Variants in TMEM215 observed in about 807,000 individuals in gnomAD.
TMEM215 encodes transmembrane protein 215.
TMEM215 carries 12 observed loss-of-function variants against 14.7 expected under a neutral mutation model. That is an observed-to-expected ratio of 0.82 (90% CI 0.52 to 1.33). The LOEUF (loss-of-function observed/expected upper bound fraction) is 1.33, where lower values mean the gene tolerates loss of function less well. Among genes scored for constraint, TMEM215 ranks in the 40% most tolerant of loss-of-function variants. TMEM215 has a pLI of 0.00. For synonymous variants in TMEM215, 122 were observed against 124.8 expected (o/e 0.98, Z 0.15); for missense variants, 276 against 296.2 (o/e 0.93, Z 0.50).
In TMEM215 at chr9:32,783,790, G is replaced by T; in HGVS notation, c.-74G>T. 5.7e-6 allele frequency: 1 copy of T among 176,596 alleles called. No individual in the cohort carries two copies. The highest frequency in any genetic ancestry group is 1.2e-5 in the Non-Finnish European group (1 of 84,144). 10.9% of individuals were successfully genotyped at this position (176,596 alleles called of 1,614,324 possible). On this transcript the variant is annotated 5_prime_UTR_variant, in exon 1 of 2. The change creates a new upstream start codon in the 5' untranslated region. Coordinates refer to ENST00000342743, the MANE Select transcript of TMEM215 (RefSeq NM_212558.3). ...GGCTTCTTTCCCTACTTCCTGGAGA[G>T]GGCAGGAAACCTCAGGTACCTCGTT...
chr9:32,784,605 C>T lies in TMEM215; in HGVS notation c.422C>T (p.Thr141Met), dbSNP rs776820453. ...VASSINSPTP[T>M]EEGECQSLVQ... ...AGCTCCATCAACAGCCCCACACCCA[C>T]GGAGGAAGGAGAATGCCAGAGCCTC... The change falls in exon 2 of 2, where the codon ACG (threonine) becomes ATG (methionine). Residue 141 changes from threonine (T) to methionine (M), a missense_variant. Transcript: ENST00000342743. 4 of 1,613,554 alleles carry T rather than the reference C, an allele frequency of 2.5e-6. No individual in the cohort carries two copies. The highest frequency in any genetic ancestry group is 1.7e-4 in the Middle Eastern group (1 of 6,060).
At chr9:32,783,857 T>TCGCCGTATCA in intron 1 of TMEM215, 52 bp downstream of exon 1, 1 of 265,754 alleles carries the variant, frequency 3.8e-6, no homozygotes, top group Non-Finnish European at 7.1e-6. Flanking sequence ...GAGACGGAGG[T>TCGCCGTATCA]TGCAATAGTG....
intron 1 of TMEM215, 35 bp downstream of exon 1, chr9:32,783,840 T>A (rs143651612): frequency 4.2e-6 from 1 of 237,398 alleles, no homozygotes; most frequent in East Asian, 9.9e-5. Context: ...CGTGTTGATA[T>A]GAGAGAGAGA....
Position 32,788,357 on chromosome 9 carries a change from C to A in TMEM215, c.*3466C>A, listed in dbSNP as rs973588770. The stretch of plus-strand genomic sequence containing the variant: ...CTATTTTGGTATATCATCTTCCAGG[C>A]TTCCTCCACATGCAAATGCAGCATA... On this transcript the variant is annotated 3_prime_UTR_variant, in exon 2 of 2. Transcript: ENST00000342743. Among the ~76,000 whole-genome samples, 1 of 152,224 alleles carries A rather than the reference C, an allele frequency of 6.6e-6. No homozygotes were observed. The highest frequency in any genetic ancestry group is 1.9e-4 in the East Asian group (1 of 5,206).
rs756665898 is a variant in TMEM215, at chr9:32,784,278, T to TGAAAGGG, written c.98_104dup (p.Thr36ArgfsTer77). 6.2e-7 allele frequency: 1 copy of TGAAAGGG among 1,614,104 alleles called. No homozygotes were observed. The highest frequency in any genetic ancestry group is 8.5e-7 in the Non-Finnish European group (1 of 1,180,014). On this transcript the variant is annotated frameshift_variant, in exon 2 of 2. Transcript: ENST00000342743. LOFTEE classifies it high-confidence loss of function. ...GGTTTCATGTTCACCGTCTCTGGGA[T>TGAAAGGG]GAAAGGGGAGACTTTGGGAAACATC...
rs1022871326 is a variant in TMEM215, at chr9:32,785,875, A to G, written c.*984A>G. The G allele has an allele frequency of 1.8e-5, 3 of 166,902 alleles. No individual in the cohort carries two copies. Among genetic ancestry groups the G allele is most frequent in the Non-Finnish European group, 4.4e-5 (3 of 68,102 alleles). 10.3% of individuals were successfully genotyped at this position (166,902 alleles called of 1,614,324 possible). A position where few individuals can be genotyped will look rare whatever the true frequency, so the allele number is the denominator to read the frequency against. Reference sequence around the variant, plus strand: ...TTGCACATAATTTGTATGAAATGCAATGGTTAAACCTTTGGAAGTGTCATT... The same window carrying G: ...TTGCACATAATTTGTATGAAATGCAGTGGTTAAACCTTTGGAAGTGTCATT... On this transcript the variant is annotated 3_prime_UTR_variant, in exon 2 of 2. Transcript: ENST00000342743.
Position 32,787,366 on chromosome 9 carries a change from T to G in TMEM215, c.*2475T>G, listed in dbSNP as rs1824517845. ...ATTTAAGTATGCATTTGAGGAAATA[T>G]TTTCCTGTGCTAAAATAAAGGTTTG... is the stretch of plus-strand genomic sequence containing the variant. On this transcript the variant is annotated 3_prime_UTR_variant, in exon 2 of 2. Coordinates refer to ENST00000342743, the MANE Select transcript of TMEM215 (RefSeq NM_212558.3). 6.0e-6 allele frequency: 1 copy of G among 166,962 alleles called. No individual in the cohort carries two copies. The highest frequency in any genetic ancestry group is 2.4e-5 in the African/African-American group (1 of 41,452). The allele number at this position is 166,962 out of a possible 1,614,324, so 10.3% of individuals were successfully genotyped here. A position where few individuals can be genotyped will look rare whatever the true frequency, so the allele number is the denominator to read the frequency against.
At chr9:32,784,092 T>G (rs758161650) in intron 1 of TMEM215, 34 bp from the exon 2 acceptor site, 177 of 1,286,404 alleles carry the variant, frequency 1.4e-4, no homozygotes, top group Non-Finnish European at 1.8e-4. Flanking sequence ...GACTTGGATT[T>G]TTTTTTAACG....
rs140390982 is a variant in TMEM215 at position 32,784,539 on chromosome 9, G to T, written c.356G>T (p.Gly119Val). 4 of 1,613,776 alleles carry T rather than the reference G, an allele frequency of 2.5e-6. No homozygotes were observed. In the African/African-American group the frequency reaches 5.3e-5, roughly 22 times the overall value. The change falls in exon 2 of 2, where the codon GGG (glycine) becomes GTG (valine). Residue 119 changes from glycine (G) to valine (V), a missense_variant. Transcript: ENST00000342743. ...DELAKKAGLR[G>V]KPPPQSQGEV... ...CTGGCTAAGAAGGCGGGCCTCAGGG[G>T]GAAGCCTCCCCCACAAAGCCAGGGT... is the stretch of plus-strand genomic sequence containing the variant.
In TMEM215 at chr9:32,785,090, A is replaced by C; in HGVS notation, c.*199A>C. ...TTTTAGGGAAGGGCGATGAGGGTTAAGGACACTGGAAGAGGCAGTGGGTAG... is the reference window on the plus strand; with the variant it reads ...TTTTAGGGAAGGGCGATGAGGGTTACGGACACTGGAAGAGGCAGTGGGTAG... On this transcript the variant is annotated 3_prime_UTR_variant, in exon 2 of 2. Coordinates refer to ENST00000342743, the MANE Select transcript of TMEM215 (RefSeq NM_212558.3). 1 of 580,228 alleles carries C rather than the reference A, an allele frequency of 1.7e-6. No homozygotes were observed. The highest frequency in any genetic ancestry group is 2.9e-5 in the East Asian group (1 of 34,666). 35.9% of individuals were successfully genotyped at this position (580,228 alleles called of 1,614,324 possible).
In TMEM215 at chr9:32,785,949, A is replaced by C. The variant is rs1224711068; in HGVS notation, c.*1058A>C. 1 of 167,026 alleles carries C rather than the reference A, an allele frequency of 6.0e-6. No homozygotes were observed. Among genetic ancestry groups the C allele is most frequent in the Admixed American group, 6.5e-5 (1 of 15,294 alleles). 10.3% of individuals were successfully genotyped at this position (167,026 alleles called of 1,614,324 possible). A position where few individuals can be genotyped will look rare whatever the true frequency, so the allele number is the denominator to read the frequency against. The stretch of plus-strand genomic sequence containing the variant: ...CTCACAGACTGTAAATGCCAGTGAA[A>C]CAAGAACTCATCTACTAAATTTAAC... On this transcript the variant is annotated 3_prime_UTR_variant, in exon 2 of 2. Transcript: ENST00000342743.
At position 32,787,875 on chromosome 9, in the gene TMEM215, C is replaced by T. The variant is rs940718966; in HGVS notation, c.*2984C>T. On this transcript the variant is annotated 3_prime_UTR_variant, in exon 2 of 2. Coordinates refer to ENST00000342743, the MANE Select transcript of TMEM215 (RefSeq NM_212558.3). ...AAATTTTTCTACTGAATTTCTCTTG[C>T]TCTGTATGCCTACTTATTGTGCACA... Among the ~76,000 whole-genome samples, 3 of 152,104 alleles carry T rather than the reference C, an allele frequency of 2.0e-5. No individual in the cohort carries two copies. Among genetic ancestry groups the T allele is most frequent in the Non-Finnish European group, 2.9e-5 (2 of 67,966 alleles).
At position 32,786,288 on chromosome 9, in the gene TMEM215, A is replaced by G. The variant is rs144444168; in HGVS notation, c.*1397A>G. 3 of 167,150 alleles carry G rather than the reference A, an allele frequency of 1.8e-5. No individual in the cohort carries two copies. In the East Asian group the frequency reaches 5.8e-4, roughly 32 times the overall value. The allele number at this position is 167,150 out of a possible 1,614,324, so 10.4% of individuals were successfully genotyped here. On this transcript the variant is annotated 3_prime_UTR_variant, in exon 2 of 2. Coordinates refer to ENST00000342743, the MANE Select transcript of TMEM215 (RefSeq NM_212558.3). ...ATATAGTCTTAGTCACTTTCTCCCA[A>G]AAGGGGAATTGAGGACAAAAATTTG...
At position 32,786,467 on chromosome 9, in the gene TMEM215, A is replaced by G. The variant is rs1824507886; in HGVS notation, c.*1576A>G. On this transcript the variant is annotated 3_prime_UTR_variant, in exon 2 of 2. Coordinates refer to ENST00000342743, the MANE Select transcript of TMEM215 (RefSeq NM_212558.3). ...TATGTAATTATTTTAGTAGGGCTTA[A>G]ATATCAGAAATGAGATGCATGATCT... 1 of 166,940 alleles carries G rather than the reference A, an allele frequency of 6.0e-6. No individual in the cohort carries two copies. Among genetic ancestry groups the G allele is most frequent in the South Asian group, 2.1e-4 (1 of 4,836 alleles). 10.3% of individuals were successfully genotyped at this position (166,940 alleles called of 1,614,324 possible). A position where few individuals can be genotyped will look rare whatever the true frequency, so the allele number is the denominator to read the frequency against.
At chr9:32,783,897 G>A in intron 1 of TMEM215, 92 bp downstream of exon 1, 1 of 394,402 alleles carries the variant, frequency 2.5e-6, no homozygotes, top group Non-Finnish European at 4.5e-6. Flanking sequence ...ACAAGAAAGG[G>A]AGGGAGGGAG....
rs150469810 is a variant in TMEM215 at position 32,788,748 on chromosome 9, C to T, written c.*3857C>T. ...CCTTCACTCTTGTGGATATAAGACCCAGGGTGGGAAACAAAACGATGCTTC... is the reference window on the plus strand; with the variant it reads ...CCTTCACTCTTGTGGATATAAGACCTAGGGTGGGAAACAAAACGATGCTTC... On this transcript the variant is annotated 3_prime_UTR_variant, in exon 2 of 2. Coordinates refer to ENST00000342743, the MANE Select transcript of TMEM215 (RefSeq NM_212558.3). Among the ~76,000 whole-genome samples the T allele has an allele frequency of 6.6e-6, 1 of 152,292 alleles. No homozygotes were observed. Among genetic ancestry groups the T allele is most frequent in the African/African-American group, 2.4e-5 (1 of 41,574 alleles).
rs1824507775 is a variant in TMEM215, at chr9:32,786,442, T to C, written c.*1551T>C. ...TTCAAGTCAAGTTCAAGATCAAAAA[T>C]ATGTAATTATTTTAGTAGGGCTTAA... On this transcript the variant is annotated 3_prime_UTR_variant, in exon 2 of 2. Coordinates refer to ENST00000342743, the MANE Select transcript of TMEM215 (RefSeq NM_212558.3). 6.0e-6 allele frequency: 1 copy of C among 166,944 alleles called. No individual in the cohort carries two copies. Among genetic ancestry groups the C allele is most frequent in the African/African-American group, 2.4e-5 (1 of 41,456 alleles). The allele number at this position is 166,944 out of a possible 1,614,324, so 10.3% of individuals were successfully genotyped here.
rs1320544487 is a variant in TMEM215, at chr9:32,786,590, A to G, written c.*1699A>G. On this transcript the variant is annotated 3_prime_UTR_variant, in exon 2 of 2. Coordinates refer to ENST00000342743, the MANE Select transcript of TMEM215 (RefSeq NM_212558.3). ...TATTTCTATCATTCATTTTCAGTGT[A>G]AATATTCTATGGTGTTATGTCAAAG... The G allele has an allele frequency of 3.0e-5, 5 of 166,972 alleles. No homozygotes were observed. In the Admixed American group the frequency reaches 3.3e-4, roughly 11 times the overall value. 10.3% of individuals were successfully genotyped at this position (166,972 alleles called of 1,614,324 possible). A position where few individuals can be genotyped will look rare whatever the true frequency, so the allele number is the denominator to read the frequency against.
At position 32,784,755 on chromosome 9, in the gene TMEM215, A is replaced by G. The variant is rs1824486430; in HGVS notation, c.572A>G (p.Glu191Gly). ...CSARDRSECP[E>G]PEDSIFFVPQ... is the part of the protein sequence containing the mutation. ...GCAAGGGACAGATCTGAGTGCCCTG[A>G]GCCTGAGGATAGCATCTTCTTTGTG... Residue 191 changes from glutamate (E) to glycine (G), a missense_variant, in exon 2 of 2, where the codon GAG becomes GGG. Physicochemically the swap from Glu to Gly is moderately conservative, Grantham distance 98 (BLOSUM62 -2). Transcript: ENST00000342743. 1.3e-5 allele frequency: 21 copies of G among 1,613,920 alleles called. No homozygotes were observed. Among genetic ancestry groups the G allele is most frequent in the Non-Finnish European group, 1.8e-5 (21 of 1,180,042 alleles).
Sources: gnomAD v4.1 joint callset for allele counts (sites outside exome capture counted in the v4.1 genomes callset) on GRCh38, gnomAD v4.1.1 for gene constraint, MANE v1.5 for transcripts, NCBI Gene and HGNC (gene_info 2026-07-23, HGNC 2026-07-21) for gene names.